SLC4A4: variants seen among roughly 807,000 people sequenced by gnomAD.
The protein encoded by SLC4A4 is solute carrier family 4 member 4, also known as electrogenic sodium bicarbonate cotransporter 1.
In SLC4A4, 27 loss-of-function variants were observed where a neutral mutation model predicts 111.5. The ratio of observed to expected loss-of-function variants is 0.24; its 90% CI spans 0.18 to 0.33. SLC4A4 has a LOEUF of 0.33. SLC4A4 is among the 10% of genes least tolerant of loss of function. The pLI is 1.00. For missense variants in SLC4A4, 909 were observed against 1,315.5 expected, an observed-to-expected ratio of 0.69 and a Z score of 4.78; for synonymous variants, 443 against 463.4, an observed-to-expected ratio of 0.96 and a Z score of 0.57.
At chr4:71,541,894 A>G (rs1201791218) in intron 18 of SLC4A4, among the ~76,000 whole-genome samples, 1 of 152,156 alleles carries the variant, frequency 6.6e-6, no homozygotes, top group Non-Finnish European at 1.5e-5. Flanking sequence ...ACTGTTTTCC[A>G]TATTTCTTGC....
Position 71,440,609 on chromosome 4 carries a change from C to T in SLC4A4, c.808-7C>T. On this transcript the variant is annotated splice_polypyrimidine_tract_variant and splice_region_variant and intron_variant, in intron 7 of 25. Coordinates refer to ENST00000264485, the MANE Select transcript of SLC4A4 (RefSeq NM_001098484.3). ...TAAATTGTGTTTCCTTGGTTCTTCT[C>T]ATGCAGCTGAAGAATAAGTTCATGA... The T allele has an allele frequency of 1.2e-6, 2 of 1,614,044 alleles. No homozygotes were observed. Among genetic ancestry groups the T allele is most frequent in the South Asian group, 1.1e-5 (1 of 91,068 alleles).
In SLC4A4 at chr4:71,358,534, A is replaced by AT. The variant is rs1233472456; in HGVS notation, c.730+1353dup. Among the ~76,000 whole-genome samples, 6 of 152,308 alleles carry AT rather than the reference A, an allele frequency of 3.9e-5. No individual in the cohort carries two copies. The South Asian group carries it at 6.2e-4, about 16-fold the overall frequency. On this transcript the variant is annotated intron_variant, in intron 6 of 25. Coordinates refer to ENST00000264485, the MANE Select transcript of SLC4A4 (RefSeq NM_001098484.3). ...ACTACAAGCAGATTTTCTGTGGTAT[A>AT]TTTTTTAGGCAAAACTGGTTATGTG...
chr4:71,178,392 C>T (rs1447453013), intron 2 of SLC4A4, among the ~76,000 whole-genome samples: 4 of 149,872 alleles, frequency 2.7e-5, no homozygotes, highest in Non-Finnish European at 5.9e-5. Context: ...ACAAAAATCC[C>T]TTCAAAAAAT....
At chr4:71,435,893 A>C (rs1434548216) in intron 7 of SLC4A4, among the ~76,000 whole-genome samples, 3 of 152,244 alleles carry the variant, frequency 2.0e-5, no homozygotes, top group Non-Finnish European at 4.4e-5. Context: ...GCGATCATTA[A>C]AAAGTCAGGA....
At chr4:71,556,985 C>T (rs775976555) in intron 21 of SLC4A4, among the ~76,000 whole-genome samples, 3 of 151,880 alleles carry the variant, frequency 2.0e-5, no homozygotes, top group African/African-American at 7.2e-5. Flanking sequence ...AAGGTCAATT[C>T]GGCAGTTATT....
intron 2 of SLC4A4, among the ~76,000 whole-genome samples, chr4:71,254,534 C>T (rs947872230): frequency 1.8e-4 from 27 of 151,944 alleles, no homozygotes; most frequent in African/African-American, 6.0e-4. Context: ...CTGTAGCTGA[C>T]ATTCATTTTA....
At chr4:71,516,490 C>T (rs951918731) in intron 16 of SLC4A4, among the ~76,000 whole-genome samples, 10 of 152,048 alleles carry the variant, frequency 6.6e-5, no homozygotes, top group African/African-American at 2.4e-4. Flanking sequence ...AAAATGGTGC[C>T]CTGCCATAGC....
intron 12 of SLC4A4, among the ~76,000 whole-genome samples, chr4:71,455,802 T>C (rs1726206127): frequency 6.6e-6 from 1 of 152,184 alleles, no homozygotes. Context: ...GGCTTTACAA[T>C]GCTGCATCTG....
At chr4:71,463,867 G>A (rs1283411687) in intron 12 of SLC4A4, among the ~76,000 whole-genome samples, 1 of 152,130 alleles carries the variant, frequency 6.6e-6, no homozygotes, top group African/African-American at 2.4e-5. Context: ...AAGATTAATA[G>A]CTATGTCAAA....
intron 2 of SLC4A4, among the ~76,000 whole-genome samples, chr4:71,179,355 G>A (rs1745208185): frequency 6.6e-6 from 1 of 152,078 alleles, no homozygotes; most frequent in Non-Finnish European, 1.5e-5. Flanking sequence ...TTCTGGCCAG[G>A]GCAATCAGGC....
chr4:71,418,554 G>A (rs899997838), intron 7 of SLC4A4, among the ~76,000 whole-genome samples: 3 of 152,114 alleles, frequency 2.0e-5, no homozygotes, highest in African/African-American at 7.2e-5. Context: ...CTCTTTTTAG[G>A]CCTCTTAGAT....
At chr4:71,114,088 A>G (rs547624387) in intron 2 of SLC4A4, among the ~76,000 whole-genome samples, 31 of 152,262 alleles carry the variant, frequency 2.0e-4, no homozygotes, top group Admixed American at 2.0e-3. Context: ...TCTAGTAAAC[A>G]TACAAAAAAT....
intron 1 of SLC4A4, among the ~76,000 whole-genome samples, chr4:71,198,297 C>T (rs2245547): frequency 0.16 from 24,240 of 152,172 alleles, 3,150 homozygotes; most frequent in African/African-American, 0.33. Flanking sequence ...CAGTGTTTCA[C>T]TACTCCTTAA....
At chr4:71,560,040 T>C in intron 22 of SLC4A4, 53 bp from the exon 23 acceptor site, 1 of 1,402,246 alleles carries the variant, frequency 7.1e-7, no homozygotes. Context: ...CTATGCTTGC[T>C]GTGACTTCAT....
chr4:71,193,795 A>C (rs1745864429), intron 1 of SLC4A4, among the ~76,000 whole-genome samples: 1 of 152,160 alleles, frequency 6.6e-6, no homozygotes, highest in Non-Finnish European at 1.5e-5. Context: ...CAAGTAACGA[A>C]GATTTTAATA....
At chr4:71,247,444 A>C (rs1387802841) in intron 2 of SLC4A4, among the ~76,000 whole-genome samples, 1 of 151,854 alleles carries the variant, frequency 6.6e-6, no homozygotes, top group Non-Finnish European at 1.5e-5. Flanking sequence ...ATAGCAACCA[A>C]GGACCCTTCA....
chr4:71,497,591 G>C lies in SLC4A4; in HGVS notation c.2065G>C (p.Val689Leu). Residue 689 changes from valine (V) to leucine (L), a missense_variant, in exon 16 of 26, where the codon GTT (valine) becomes CTT (leucine). By Grantham distance (32) the Val-to-Leu change is conservative. This residue lies in a region of SLC4A4 where 264 missense variants were observed against 356.8 expected (regional missense o/e 0.74). Coordinates refer to ENST00000264485, the MANE Select transcript of SLC4A4 (RefSeq NM_001098484.3). ...CCTCGTCGGGAACAACTGTAATTTT[G>C]TTCCTGATATCACACTCATGTCTTT... ...GNLVGNNCNFVPDITLMSFIL... is the reference protein window; with the variant it reads ...GNLVGNNCNFLPDITLMSFIL... 1.2e-6 allele frequency: 2 copies of C among 1,613,558 alleles called. No homozygotes were observed. The highest frequency in any genetic ancestry group is 1.7e-6 in the Non-Finnish European group (2 of 1,179,714).
chr4:71,217,686 A>G (rs897723527), intron 1 of SLC4A4, among the ~76,000 whole-genome samples: 5 of 152,242 alleles, frequency 3.3e-5, no homozygotes, highest in African/African-American at 1.2e-4. Flanking sequence ...AACAAAAATG[A>G]TTCTATGACT....
chr4:71,494,856 A>G (rs747665750), intron 15 of SLC4A4, among the ~76,000 whole-genome samples: 4 of 152,040 alleles, frequency 2.6e-5, no homozygotes, highest in Admixed American at 6.6e-5. Flanking sequence ...CTGAAGTTTT[A>G]TGGAATTAAC....
Sources: allele counts gnomAD v4.1 joint callset (sites outside exome capture counted in the v4.1 genomes callset), GRCh38; gene constraint gnomAD v4.1.1; regional missense constraint gnomAD v4.1.1; transcripts MANE v1.5; gene names NCBI Gene and HGNC (gene_info 2026-07-23, HGNC 2026-07-21).